DLGAP1: variants seen among roughly 807,000 people sequenced by gnomAD.
The protein encoded by DLGAP1 is disks large-associated protein 1.
DLGAP1 carries 11 observed loss-of-function variants against 90.8 expected under a neutral mutation model. The ratio of observed to expected loss-of-function variants is 0.12; its 90% confidence interval spans 0.08 to 0.20. DLGAP1 has a LOEUF of 0.20. DLGAP1 is among the 10% of genes least tolerant of loss of function. The pLI, the probability that DLGAP1 is intolerant of heterozygous loss-of-function variation, is 1.00. For missense variants in DLGAP1, 1,050 were observed against 1,333.8 expected, an observed-to-expected ratio of 0.79 and a Z score of 3.31; for synonymous variants, 558 against 540.7, an observed-to-expected ratio of 1.03 and a Z score of -0.44.
intron 11 of DLGAP1, among the ~76,000 whole-genome samples, chr18:3,504,180 T>C (rs1305598028): frequency 6.6e-6 from 1 of 152,172 alleles, no homozygotes; most frequent in Non-Finnish European, 1.5e-5. Flanking sequence ...CTAAAGTTCA[T>C]TAGAAGAAAT....
intron 2 of DLGAP1, among the ~76,000 whole-genome samples, chr18:4,015,233 T>A (rs2074501202): frequency 6.6e-6 from 1 of 152,154 alleles, no homozygotes; most frequent in African/African-American, 2.4e-5. Context: ...GAAGTGCATA[T>A]TGACGCCCTA....
chr18:3,646,673 C>T (rs1236973935), intron 7 of DLGAP1, among the ~76,000 whole-genome samples: 1 of 151,664 alleles, frequency 6.6e-6, no homozygotes, highest in Non-Finnish European at 1.5e-5. Context: ...GCCTGTAATC[C>T]CAGCACTGTG....
At position 4,226,566 on chromosome 18, in the gene DLGAP1, T is replaced by C. The variant is rs575999468; in HGVS notation, c.-266-75279A>G. Among the ~76,000 whole-genome samples, 5 of 151,874 alleles carry C rather than the reference T, an allele frequency of 3.3e-5. No individual in the cohort carries two copies. In the South Asian group the frequency reaches 1.0e-3, roughly 31 times the overall value. On this transcript the variant is annotated intron_variant, in intron 1 of 12. Coordinates refer to ENST00000315677, the MANE Select transcript of DLGAP1 (RefSeq NM_004746.4). ...AAAGTGTGGGGACAAAGTTAAAGTATAGAGTTTTTATTAGTTTTCTCTTTG... is the reference window on the plus strand; with the variant it reads ...AAAGTGTGGGGACAAAGTTAAAGTACAGAGTTTTTATTAGTTTTCTCTTTG...
rs1215102753 is a variant in DLGAP1, at chr18:3,582,111, G to T, written c.1729C>A (p.Arg577=). ...QDAYMDGQGQ[R]GDIISQSGLS... is the part of the protein sequence containing the mutation. ...CCAGACTGGCTGATAATATCTCCTC[G>T]CTGGCCCTGTCCGTCCATGTAGGCA... Residue 577 remains arginine, a synonymous_variant, in exon 8 of 13, where the codon CGA becomes AGA. Coordinates refer to ENST00000315677, the MANE Select transcript of DLGAP1 (RefSeq NM_004746.4). 6.2e-7 allele frequency: 1 copy of T among 1,613,772 alleles called. No individual in the cohort carries two copies. Among genetic ancestry groups the T allele is most frequent in the Admixed American group, 1.7e-5 (1 of 59,950 alleles).
intron 4 of DLGAP1, among the ~76,000 whole-genome samples, chr18:3,842,203 T>C (rs1359859916): frequency 6.6e-6 from 1 of 151,874 alleles, no homozygotes; most frequent in Non-Finnish European, 1.5e-5. Flanking sequence ...CAAGAGAACA[T>C]GGCACTGCTA....
At chr18:4,445,371 T>G (rs902471026) in intron 1 of DLGAP1, among the ~76,000 whole-genome samples, 2 of 151,696 alleles carry the variant, frequency 1.3e-5, no homozygotes, top group Non-Finnish European at 2.9e-5. Flanking sequence ...TACGTATACA[T>G]GTGCCATGCT....
intron 6 of DLGAP1, among the ~76,000 whole-genome samples, chr18:3,738,885 G>C (rs371772776): frequency 6.8e-6 from 1 of 147,204 alleles, no homozygotes; most frequent in Non-Finnish European, 1.5e-5. Flanking sequence ...ATCTGACAAA[G>C]GGCTAATATC....
chr18:3,910,580 C>T (rs999794272), intron 3 of DLGAP1, among the ~76,000 whole-genome samples: 28 of 152,056 alleles, frequency 1.8e-4, no homozygotes, highest in Admixed American at 4.6e-4. Flanking sequence ...GAAGTTTTTC[C>T]ATCTTCTTAG....
chr18:3,742,577 G>A (rs2063101116), intron 5 of DLGAP1, 65 bp from the exon 6 acceptor site: 1 of 1,570,286 alleles, frequency 6.4e-7, no homozygotes, highest in Non-Finnish European at 8.7e-7. Context: ...AATAACATGT[G>A]GCACTATTGT....
chr18:3,634,908 T>C (rs2058643174), intron 7 of DLGAP1, among the ~76,000 whole-genome samples: 1 of 152,226 alleles, frequency 6.6e-6, no homozygotes, highest in South Asian at 2.1e-4. Context: ...GAGTAAATTT[T>C]CTAACTTTAT....
At chr18:3,621,621 T>A (rs1476799289) in intron 7 of DLGAP1, among the ~76,000 whole-genome samples, 2 of 152,194 alleles carry the variant, frequency 1.3e-5, no homozygotes, top group Admixed American at 6.5e-5. Flanking sequence ...ACCTCACTTC[T>A]GTTTTCTATA....
At position 4,045,432 on chromosome 18, in the gene DLGAP1, C is replaced by CAAAAAAAAAAAAAAAAAAAAAAAAA. The variant is rs763466156; in HGVS notation, c.-158-40256_-158-40232dup. Among the ~76,000 whole-genome samples, 17 of 29,196 alleles carry CAAAAAAAAAAAAAAAAAAAAAAAAA rather than the reference C, an allele frequency of 5.8e-4. 2 individuals carry two copies. Among genetic ancestry groups the CAAAAAAAAAAAAAAAAAAAAAAAAA allele is most frequent in the Admixed American group, 1.6e-3 (2 of 1,220 alleles). 19.2% of individuals were successfully genotyped at this position (29,196 alleles called of 152,430 possible). A position where few individuals can be genotyped will look rare whatever the true frequency, so the allele number is the denominator to read the frequency against. On this transcript the variant is annotated intron_variant, in intron 2 of 12. Transcript: ENST00000315677. ...GTAACATAGAAAGACCCCATCTCTA[C>CAAAAAAAAAAAAAAAAAAAAAAAAA]AAAAAAAAAAAAAAAAAAAAAAAAA...
chr18:3,837,248 T>C (rs1598946325), intron 4 of DLGAP1, among the ~76,000 whole-genome samples: 2 of 152,202 alleles, frequency 1.3e-5, no homozygotes, highest in Non-Finnish European at 2.9e-5. Context: ...TAAACCTCCA[T>C]TATGATGAAT....
At chr18:3,552,903 T>C (rs1444630443) in intron 9 of DLGAP1, among the ~76,000 whole-genome samples, 3 of 152,206 alleles carry the variant, frequency 2.0e-5, no homozygotes, top group Non-Finnish European at 4.4e-5. Flanking sequence ...GATTCAGCTT[T>C]CTCTGGTCTG....
At chr18:4,269,556 G>C (rs371648337) in intron 1 of DLGAP1, among the ~76,000 whole-genome samples, 6 of 151,504 alleles carry the variant, frequency 4.0e-5, no homozygotes, top group South Asian at 4.2e-4. Flanking sequence ...GGGTTTCACC[G>C]TGTTAGCCAG....
intron 7 of DLGAP1, among the ~76,000 whole-genome samples, chr18:3,707,853 T>TG (rs1174771630): frequency 1.3e-5 from 2 of 152,126 alleles, no homozygotes; most frequent in Non-Finnish European, 2.9e-5. Context: ...GAAGGGATGT[T>TG]GGGGCCACTG....
chr18:3,936,228 G>C (rs1395041361), intron 3 of DLGAP1, among the ~76,000 whole-genome samples: 9 of 152,208 alleles, frequency 5.9e-5, no homozygotes. Flanking sequence ...TGAATCTGCT[G>C]AAAGCCATCT....
chr18:3,809,375 A>T (rs1463700463), intron 5 of DLGAP1, among the ~76,000 whole-genome samples: 2 of 152,158 alleles, frequency 1.3e-5, no homozygotes, highest in Non-Finnish European at 2.9e-5. Context: ...TTAAATTTAA[A>T]TTTTTCCAAT....
At chr18:4,371,924 T>C (rs2081925086) in intron 1 of DLGAP1, among the ~76,000 whole-genome samples, 2 of 152,228 alleles carry the variant, frequency 1.3e-5, no homozygotes, top group Admixed American at 1.3e-4. Flanking sequence ...TGTTAATTCT[T>C]AACCTAAAGT....
Sources: gnomAD v4.1 joint callset for allele counts (sites outside exome capture counted in the v4.1 genomes callset) on GRCh38, gnomAD v4.1.1 for gene constraint, MANE v1.5 for transcripts, NCBI Gene and HGNC (gene_info 2026-07-23, HGNC 2026-07-21) for gene names.